The following ZMIZ1 variants were observed in gnomAD, a reference collection of about 807,000 sequenced individuals.
ZMIZ1 encodes the protein zinc finger MIZ domain-containing protein 1.
A neutral mutation model predicts 113.9 loss-of-function variants in ZMIZ1; 17 were observed. The ratio of observed to expected loss-of-function variants is 0.15; its 90% CI spans 0.10 to 0.22. The LOEUF (loss-of-function observed/expected upper bound fraction) is 0.22, where lower values mean the gene tolerates loss of function less well. Ranked by LOEUF, ZMIZ1 falls within the 10% of genes least tolerant of loss-of-function variation. ZMIZ1 has a pLI of 1.00. For missense variants in ZMIZ1, 1,059 were observed against 1,477.8 expected (o/e 0.72, Z 4.65); for synonymous variants, 607 against 603.1 (o/e 1.01, Z -0.09).
chr10:79,123,340 C>A (rs1844378597), intron 2 of ZMIZ1, among the ~76,000 whole-genome samples: 1 of 152,216 alleles, frequency 6.6e-6, no homozygotes, highest in South Asian at 2.1e-4. Flanking sequence ...GACTTCATCT[C>A]TCTGTGCCCC....
At chr10:79,307,904 A>G (rs1854839409) in intron 23 of ZMIZ1, among the ~76,000 whole-genome samples, 1 of 152,104 alleles carries the variant, frequency 6.6e-6, no homozygotes, top group African/African-American at 2.4e-5. Context: ...CCACTTGCAC[A>G]ATCTTACACT....
intron 7 of ZMIZ1, among the ~76,000 whole-genome samples, chr10:79,237,454 G>A (rs1849637948): frequency 6.6e-6 from 1 of 152,200 alleles, no homozygotes; most frequent in Admixed American, 6.5e-5. Flanking sequence ...TCACAGTTCT[G>A]GAGACCTAAA....
In ZMIZ1 at chr10:79,247,416, C is replaced by CT. The variant is rs1313373738; in HGVS notation, c.281-29764dup. On this transcript the variant is annotated intron_variant, in intron 7 of 24. Coordinates refer to ENST00000334512, the MANE Select transcript of ZMIZ1 (RefSeq NM_020338.4). ...CCAAACTGATGCACAGAGCTGGGAG[C>CT]TACCCCCATCACCCAGAGTACTGGG... Among the ~76,000 whole-genome samples, 8 of 152,334 alleles carry CT rather than the reference C, an allele frequency of 5.3e-5. No individual in the cohort carries two copies. In the East Asian group the frequency reaches 1.4e-3, roughly 26 times the overall value.
chr10:79,213,187 A>T (rs537341243), intron 6 of ZMIZ1, among the ~76,000 whole-genome samples: 86 of 152,270 alleles, frequency 5.6e-4, no homozygotes, highest in South Asian at 6.2e-4. Context: ...CATCATGACC[A>T]CTGGGGTGAG....
intron 1 of ZMIZ1, among the ~76,000 whole-genome samples, chr10:79,086,448 A>C (rs1589255025): frequency 1.3e-5 from 2 of 152,146 alleles, no homozygotes; most frequent in East Asian, 3.8e-4. Flanking sequence ...CAGAAAGCCC[A>C]TTTTTCTCAG....
intron 1 of ZMIZ1, among the ~76,000 whole-genome samples, chr10:79,109,060 C>T (rs1467375023): frequency 6.6e-6 from 1 of 152,164 alleles, no homozygotes; most frequent in Admixed American, 6.5e-5. Flanking sequence ...CGCAGATGAA[C>T]ACAGGTGTGC....
At chr10:79,292,481 G>A in intron 11 of ZMIZ1, 125 bp downstream of exon 11, 2 of 1,278,538 alleles carry the variant, frequency 1.6e-6, no homozygotes, top group Non-Finnish European at 2.2e-6. Context: ...ACTGCATTAG[G>A]GTGCATTTGG....
chr10:79,257,543 C>A (rs1850994856), intron 7 of ZMIZ1, among the ~76,000 whole-genome samples: 1 of 152,224 alleles, frequency 6.6e-6, no homozygotes, highest in Admixed American at 6.5e-5. Context: ...TTTGGGGTGA[C>A]CCTGTGCCTG....
intron 2 of ZMIZ1, among the ~76,000 whole-genome samples, chr10:79,132,930 C>G (rs1007914762): frequency 5.3e-5 from 8 of 152,232 alleles, no homozygotes; most frequent in Admixed American, 2.0e-4. Flanking sequence ...CCTCCTGCTC[C>G]GATGAGCTGG....
intron 3 of ZMIZ1, among the ~76,000 whole-genome samples, chr10:79,141,720 CT>C (rs1454688116): frequency 6.6e-6 from 1 of 152,198 alleles, no homozygotes; most frequent in African/African-American, 2.4e-5. Context: ...AGAAAGGCTT[CT>C]GTTAAGTTGG....
chr10:79,303,423 C>G (rs1460793349), intron 18 of ZMIZ1, among the ~76,000 whole-genome samples: 1 of 146,880 alleles, frequency 6.8e-6, no homozygotes, highest in African/African-American at 2.6e-5. Flanking sequence ...CCACCACACT[C>G]CAGCCTGGGC....
intron 3 of ZMIZ1, among the ~76,000 whole-genome samples, chr10:79,155,553 T>G (rs1325601423): frequency 2.6e-5 from 4 of 152,244 alleles, no homozygotes; most frequent in African/African-American, 9.6e-5. Context: ...GCCACGCATG[T>G]GCACCACCAG....
intron 1 of ZMIZ1, among the ~76,000 whole-genome samples, chr10:79,109,355 C>T (rs1471174449): frequency 1.3e-5 from 2 of 152,192 alleles, no homozygotes; most frequent in Non-Finnish European, 2.9e-5. Flanking sequence ...CACATCCTTG[C>T]GTGCAACACA....
intron 7 of ZMIZ1, among the ~76,000 whole-genome samples, chr10:79,253,861 C>G (rs1850708146): frequency 1.3e-5 from 2 of 151,996 alleles, no homozygotes; most frequent in South Asian, 4.1e-4. Context: ...CACATGGCCC[C>G]ACACACAGGT....
intron 2 of ZMIZ1, among the ~76,000 whole-genome samples, chr10:79,131,133 T>C (rs1844748199): frequency 6.6e-6 from 1 of 152,206 alleles, no homozygotes; most frequent in African/African-American, 2.4e-5. Flanking sequence ...CACAGGTTCA[T>C]GGACCACAGT....
At chr10:79,307,592 C>G (rs926449141) in intron 23 of ZMIZ1, 21 bp downstream of exon 23, 3 of 1,605,782 alleles carry the variant, frequency 1.9e-6, no homozygotes, top group Admixed American at 1.7e-5. Flanking sequence ...CCTCCTCACC[C>G]CATTCCATTC....
rs142406171 is a variant in ZMIZ1 at position 79,207,399 on chromosome 10, C to A, written c.61-937C>A. On this transcript the variant is annotated intron_variant, in intron 5 of 24. Transcript: ENST00000334512. ...ATCTCACCTTTGCCCCTAATCTGCTCCTTGCTCCTAGCCACATCTTTTGTC... is the reference window on the plus strand; with the variant it reads ...ATCTCACCTTTGCCCCTAATCTGCTACTTGCTCCTAGCCACATCTTTTGTC... Among the ~76,000 whole-genome samples the A allele has an allele frequency of 3.3e-4, 50 of 152,348 alleles. No homozygotes were observed. The East Asian group carries it at 9.6e-3, about 29-fold the overall frequency.
chr10:79,208,191 A>G, intron 5 of ZMIZ1, 145 bp from the exon 6 acceptor site: 2 of 637,990 alleles, frequency 3.1e-6, no homozygotes, highest in Non-Finnish European at 5.5e-6. Context: ...GCATGAGGAA[A>G]CTTACTGATC....
intron 6 of ZMIZ1, among the ~76,000 whole-genome samples, chr10:79,213,067 G>A (rs981203889): frequency 2.6e-5 from 4 of 152,132 alleles, no homozygotes; most frequent in African/African-American, 7.2e-5. Flanking sequence ...CCGCCACCGT[G>A]GGTCAAGCAG....
Sources: allele counts gnomAD v4.1 joint callset (sites outside exome capture counted in the v4.1 genomes callset), GRCh38; gene constraint gnomAD v4.1.1; transcripts MANE v1.5; gene names NCBI Gene and HGNC (gene_info 2026-07-23, HGNC 2026-07-21).